ALK: variants seen among roughly 807,000 people sequenced by gnomAD.
ALK encodes ALK receptor tyrosine kinase.
In ALK, 74 loss-of-function variants were observed where a neutral mutation model predicts 163.1. The ratio of observed to expected loss-of-function variants is 0.45; its 90% CI spans 0.38 to 0.55. The LOEUF (loss-of-function observed/expected upper bound fraction) is 0.55. Among genes scored for constraint, ALK ranks in the 20% least tolerant of loss-of-function variants. The pLI is 0.00. For missense variants in ALK, 2,063 were observed against 2,105.3 expected (o/e 0.98, Z 0.39); for synonymous variants, 960 against 843.2 (o/e 1.14, Z -2.40).
chr2:29,526,151 C>G (rs1356145108), intron 4 of ALK, among the ~76,000 whole-genome samples: 5 of 152,128 alleles, frequency 3.3e-5, no homozygotes, highest in Non-Finnish European at 5.9e-5. Flanking sequence ...GACAGACAGC[C>G]TGGGAGGCAG....
chr2:29,440,920 AT>A lies in ALK; in HGVS notation c.1155-57062del, dbSNP rs140522756. On this transcript the variant is annotated intron_variant, in intron 4 of 28. Coordinates refer to ENST00000389048, the MANE Select transcript of ALK (RefSeq NM_004304.5). ...GGACTCTGATTTGAGGGGCAAGAAC[AT>A]CAGATTTTGTCCATTTCTCGCTCCC... Among the ~76,000 whole-genome samples the A allele has an allele frequency of 5.9e-5, 9 of 152,308 alleles. No homozygotes were observed. The East Asian group carries it at 1.7e-3, about 29-fold the overall frequency.
chr2:29,262,695 A>T (rs1665119029), intron 11 of ALK, among the ~76,000 whole-genome samples: 1 of 152,232 alleles, frequency 6.6e-6, no homozygotes, highest in African/African-American at 2.4e-5. Flanking sequence ...CGGAAGGCAG[A>T]CACCCCTTCT....
chr2:29,350,233 T>G (rs562622646), intron 5 of ALK, among the ~76,000 whole-genome samples: 1 of 152,330 alleles, frequency 6.6e-6, no homozygotes, highest in Non-Finnish European at 1.5e-5. Flanking sequence ...TCGGGACTGG[T>G]TGAAGGGATA....
chr2:29,887,316 G>A (rs72794335), intron 1 of ALK, among the ~76,000 whole-genome samples: 9,567 of 152,232 alleles, frequency 0.063, 437 homozygotes, highest in East Asian at 0.14. Flanking sequence ...GGAAGTCTGG[G>A]CTTAGCTGGG....
intron 5 of ALK, among the ~76,000 whole-genome samples, chr2:29,333,269 C>T (rs933504705): frequency 1.3e-5 from 2 of 152,194 alleles, no homozygotes; most frequent in African/African-American, 4.8e-5. Flanking sequence ...GTGCCTGCCA[C>T]CATGCCTGGC....
intron 3 of ALK, among the ~76,000 whole-genome samples, chr2:29,542,213 G>GC (rs1673430979): frequency 6.6e-6 from 1 of 151,014 alleles, no homozygotes; most frequent in South Asian, 2.1e-4. Context: ...GTTTTGTTTT[G>GC]TTTTTTTTCA....
chr2:29,354,660 C>T (rs1668198846), intron 5 of ALK, among the ~76,000 whole-genome samples: 1 of 152,146 alleles, frequency 6.6e-6, no homozygotes, highest in Non-Finnish European at 1.5e-5. Flanking sequence ...GAGATGCTCT[C>T]ACCTCTTTTG....
intron 1 of ALK, among the ~76,000 whole-genome samples, chr2:29,753,856 A>C (rs1275936678): frequency 1.3e-5 from 2 of 152,242 alleles, no homozygotes; most frequent in Non-Finnish European, 2.9e-5. Context: ...AAGAAATGGA[A>C]ATGTTTGCTT....
intron 3 of ALK, among the ~76,000 whole-genome samples, chr2:29,559,994 T>A (rs928131427): frequency 6.6e-6 from 1 of 152,206 alleles, no homozygotes; most frequent in South Asian, 2.1e-4. Context: ...TTGGGTTTTT[T>A]AAAAAGATAT....
At chr2:29,842,492 T>C (rs1254318084) in intron 1 of ALK, among the ~76,000 whole-genome samples, 1 of 152,222 alleles carries the variant, frequency 6.6e-6, no homozygotes, top group Non-Finnish European at 1.5e-5. Context: ...CACTTGACAA[T>C]GAACTTTCTC....
chr2:29,217,360 G>A (rs1338006525), intron 23 of ALK, among the ~76,000 whole-genome samples: 2 of 147,070 alleles, frequency 1.4e-5, no homozygotes, highest in African/African-American at 2.5e-5. Flanking sequence ...TGCGTGTGTG[G>A]TGTGTGTCTG....
chr2:29,426,780 C>T (rs1192395065), intron 4 of ALK, among the ~76,000 whole-genome samples: 2 of 152,064 alleles, frequency 1.3e-5, no homozygotes, highest in Admixed American at 6.5e-5. Context: ...TGGCTCACGC[C>T]TGTAATCCCA....
intron 1 of ALK, among the ~76,000 whole-genome samples, chr2:29,756,070 G>A (rs561927023): frequency 7.2e-5 from 11 of 152,282 alleles, no homozygotes; most frequent in Middle Eastern, 3.4e-3. Flanking sequence ...ACACACAGTG[G>A]CAAGGAGCCC....
chr2:29,476,190 C>A (rs924906480), intron 4 of ALK, among the ~76,000 whole-genome samples: 13 of 152,142 alleles, frequency 8.5e-5, no homozygotes, highest in African/African-American at 3.1e-4. Context: ...AACCCAAATG[C>A]TGCCCTCTCC....
At chr2:29,278,862 C>T (rs1225360501) in intron 9 of ALK, among the ~76,000 whole-genome samples, 2 of 152,216 alleles carry the variant, frequency 1.3e-5, no homozygotes, top group Non-Finnish European at 2.9e-5. Context: ...ATCTCCTAAT[C>T]TGTCATTCAC....
At chr2:29,428,228 T>G (rs865890665) in intron 4 of ALK, among the ~76,000 whole-genome samples, 1 of 151,312 alleles carries the variant, frequency 6.6e-6, no homozygotes, top group African/African-American at 2.4e-5. Flanking sequence ...ACCAGAAAAA[T>G]AAGAGCAAAC....
Position 29,876,041 on chromosome 2 carries a change from G to A in ALK, c.667+43952C>T, listed in dbSNP as rs143221235. ...CTGCTTCATCCTCACTCTGGACTAC[G>A]GGCACTGCCTAGCAATATGTGTGTG... On this transcript the variant is annotated intron_variant, in intron 1 of 28. Transcript: ENST00000389048. 2.9e-3 allele frequency among the ~76,000 whole-genome samples: 438 copies of A among 152,164 alleles called. 2 individuals carry two copies. Among genetic ancestry groups the A allele is most frequent in the African/African-American group, 9.7e-3 (401 of 41,506 alleles).
At chr2:29,412,675 A>G (rs1164272526) in intron 4 of ALK, among the ~76,000 whole-genome samples, 1 of 152,176 alleles carries the variant, frequency 6.6e-6, no homozygotes, top group Non-Finnish European at 1.5e-5. Context: ...ACACATGCAG[A>G]CTCACCACTC....
chr2:29,740,220 G>T (rs1680015093), intron 1 of ALK, among the ~76,000 whole-genome samples: 1 of 152,028 alleles, frequency 6.6e-6, no homozygotes, highest in African/African-American at 2.4e-5. Context: ...CTCCACAAAG[G>T]TAAAACAGAG....
Sources: gnomAD v4.1 joint callset for allele counts (sites outside exome capture counted in the v4.1 genomes callset) on GRCh38, gnomAD v4.1.1 for gene constraint, MANE v1.5 for transcripts, NCBI Gene and HGNC (gene_info 2026-07-23, HGNC 2026-07-21) for gene names.